PTPN11: variants seen among roughly 807,000 people sequenced by gnomAD.
The protein encoded by PTPN11 is tyrosine-protein phosphatase non-receptor type 11.
In PTPN11, 6 loss-of-function variants were observed where a neutral mutation model predicts 78.8. That is an observed-to-expected ratio of 0.08 (90% CI 0.04 to 0.15). PTPN11 has a LOEUF of 0.15. PTPN11 is among the 10% of genes least tolerant of loss of function. PTPN11 has a pLI of 1.00. For missense variants in PTPN11, 386 were observed against 744.8 expected (o/e 0.52, Z 5.61); for synonymous variants, 221 against 263.5 (o/e 0.84, Z 1.56).
intron 13 of PTPN11, among the ~76,000 whole-genome samples, chr12:112,500,191 C>G (rs1013779072): frequency 6.6e-6 from 1 of 151,642 alleles, no homozygotes; most frequent in Non-Finnish European, 1.5e-5. Flanking sequence ...TACAGTGAGC[C>G]GAGATCACAC....
At chr12:112,442,931 A>G (rs2037931817) in intron 1 of PTPN11, among the ~76,000 whole-genome samples, 1 of 138,176 alleles carries the variant, frequency 7.2e-6, no homozygotes, top group African/African-American at 2.7e-5. Context: ...TTTTATATAT[A>G]AAATACATAT....
In PTPN11 at chr12:112,429,481, CTTTTTTTTTT is replaced by C. The variant is rs1177861343; in HGVS notation, c.14+10372_14+10381del. On this transcript the variant is annotated intron_variant, in intron 1 of 15. Transcript: ENST00000351677. ...GTTTCACCTTTGGCAGTTGAAACTA[CTTTTTTTTTT>C]TTTTTTTTTTTTTTTAAGAGACAGG... Among the ~76,000 whole-genome samples the C allele has an allele frequency of 2.9e-3, 320 of 110,830 alleles. 2 individuals carry two copies. The highest frequency in any genetic ancestry group is 9.4e-3 in the African/African-American group (276 of 29,404). The allele number at this position is 110,830 out of a possible 152,430, so 72.7% of individuals were successfully genotyped here.
rs397507515 is a variant in PTPN11 at position 112,450,424 on chromosome 12, A to G, written c.244A>G (p.Met82Val). 31 of 1,613,710 alleles carry G rather than the reference A, an allele frequency of 1.9e-5. No homozygotes were observed. Among genetic ancestry groups the G allele is most frequent in the South Asian group, 4.4e-5 (4 of 91,074 alleles). ...ATLAELVQYY[M>V]EHHGQLKEKN... Reference sequence around the variant, plus strand: ...TTTGGCTGAGTTGGTCCAGTATTACATGGAACATCACGGGCAATTAAAAGA... The same window carrying G: ...TTTGGCTGAGTTGGTCCAGTATTACGTGGAACATCACGGGCAATTAAAAGA... The change falls in exon 3 of 16, where the codon ATG (methionine) becomes GTG (valine). Residue 82 changes from methionine to valine, a missense_variant. Met to Val is a conservative substitution (Grantham distance 21). Coordinates refer to ENST00000351677, the MANE Select transcript of PTPN11 (RefSeq NM_002834.5).
intron 1 of PTPN11, among the ~76,000 whole-genome samples, chr12:112,435,332 C>A (rs1320779554): frequency 1.3e-5 from 2 of 152,164 alleles, no homozygotes. Context: ...GTACAAAGAT[C>A]TGCATAAAAG....
In PTPN11 at chr12:112,500,960, A is replaced by C. The variant is rs533255204; in HGVS notation, c.1600-1184A>C. Among the ~76,000 whole-genome samples the C allele has an allele frequency of 3.3e-5, 5 of 151,032 alleles. No homozygotes were observed. In the South Asian group the frequency reaches 8.4e-4, roughly 25 times the overall value. Reference sequence around the variant, plus strand: ...GGTCTTGTTGCCCAGGCCAGAGTGCAGTGGTGCGATCATAGCTTACTGCAG... The same window carrying C: ...GGTCTTGTTGCCCAGGCCAGAGTGCCGTGGTGCGATCATAGCTTACTGCAG... On this transcript the variant is annotated intron_variant, in intron 13 of 15. Transcript: ENST00000351677.
At chr12:112,436,503 A>G (rs2037793243) in intron 1 of PTPN11, among the ~76,000 whole-genome samples, 1 of 152,186 alleles carries the variant, frequency 6.6e-6, no homozygotes, top group Non-Finnish European at 1.5e-5. Context: ...AGGTTGCTTC[A>G]ATAACCAAGA....
chr12:112,477,741 C>CT lies in PTPN11; in HGVS notation c.933+15dup. 1.9e-6 allele frequency: 3 copies of CT among 1,609,864 alleles called. No individual in the cohort carries two copies. The highest frequency in any genetic ancestry group is 2.6e-6 in the Non-Finnish European group (3 of 1,176,160). ...GCAAATATCATCATGGTAAGCTTTGCTTTTCACAGTGTTTTCTGACCATAC... is the reference window on the plus strand; with the variant it reads ...GCAAATATCATCATGGTAAGCTTTGCTTTTTCACAGTGTTTTCTGACCATAC... On this transcript the variant is annotated intron_variant, in intron 8 of 15. Coordinates refer to ENST00000351677, the MANE Select transcript of PTPN11 (RefSeq NM_002834.5).
At chr12:112,500,216 C>T (rs1227969282) in intron 13 of PTPN11, among the ~76,000 whole-genome samples, 1 of 152,140 alleles carries the variant, frequency 6.6e-6, no homozygotes, top group Non-Finnish European at 1.5e-5. Context: ...GCACTCCAGC[C>T]TGGGTGACAG....
chr12:112,492,766 C>T (rs2038765229), intron 13 of PTPN11, among the ~76,000 whole-genome samples: 2 of 152,176 alleles, frequency 1.3e-5, no homozygotes. Flanking sequence ...ATCTGCCCGC[C>T]TTGGCCTCCC....
At chr12:112,476,177 T>C (rs1173796453) in intron 7 of PTPN11, among the ~76,000 whole-genome samples, 1 of 152,164 alleles carries the variant, frequency 6.6e-6, no homozygotes, top group Non-Finnish European at 1.5e-5. Context: ...ATAAAATGTA[T>C]GGGAAAGTGA....
chr12:112,506,696 T>C lies in PTPN11; in HGVS notation c.*904T>C, dbSNP rs2038939374. The stretch of plus-strand genomic sequence containing the variant: ...GCTGGGCTCAGCTGGGCTGTTCTTC[T>C]GCCAGCCTGCAGGTGGCCACTCATG... On this transcript the variant is annotated 3_prime_UTR_variant, in exon 16 of 16. Transcript: ENST00000351677. The C allele has an allele frequency of 6.6e-6, 1 of 152,340 alleles. No individual in the cohort carries two copies. The highest frequency in any genetic ancestry group is 2.4e-5 in the African/African-American group (1 of 41,460). The allele number at this position is 152,340 out of a possible 1,614,324, so 9.4% of individuals were successfully genotyped here.
intron 1 of PTPN11, among the ~76,000 whole-genome samples, chr12:112,427,047 C>T (rs2037627763): frequency 6.6e-6 from 1 of 151,388 alleles, no homozygotes; most frequent in African/African-American, 2.4e-5. Flanking sequence ...GAGTTTGAGA[C>T]CAGCCTGGGT....
intron 1 of PTPN11, among the ~76,000 whole-genome samples, chr12:112,420,631 C>T (rs1276183191): frequency 3.9e-5 from 6 of 152,148 alleles, no homozygotes; most frequent in Non-Finnish European, 8.8e-5. Context: ...CGTGAGCCAC[C>T]GTACCCAGCC....
At chr12:112,419,262 C>T (rs961580884) in intron 1 of PTPN11, 137 bp downstream of exon 1, 12 of 869,462 alleles carry the variant, frequency 1.4e-5, no homozygotes, top group East Asian at 3.5e-5. Context: ...GTTCCCTCCT[C>T]GTCCCCTCGC....
At chr12:112,483,804 C>T (rs1469034090) in intron 10 of PTPN11, among the ~76,000 whole-genome samples, 1 of 152,076 alleles carries the variant, frequency 6.6e-6, no homozygotes, top group African/African-American at 2.4e-5. Flanking sequence ...AGGAGTGTAC[C>T]AAGGGCGAGG....
At chr12:112,423,471 G>C (rs2037556327) in intron 1 of PTPN11, among the ~76,000 whole-genome samples, 1 of 151,814 alleles carries the variant, frequency 6.6e-6, no homozygotes. Context: ...TTTTTAGTAG[G>C]GATGGGGTTT....
At chr12:112,502,483 C>T (rs563674026) in intron 14 of PTPN11, among the ~76,000 whole-genome samples, 166 of 152,248 alleles carry the variant, frequency 1.1e-3, no homozygotes, top group Non-Finnish European at 2.0e-3. Flanking sequence ...CGGTGGCTAA[C>T]GCCTGTAATC....
chr12:112,480,584 C>G (rs2038581283), intron 9 of PTPN11, among the ~76,000 whole-genome samples: 1 of 152,106 alleles, frequency 6.6e-6, no homozygotes, highest in Admixed American at 6.6e-5. Flanking sequence ...AGGCTGGTCT[C>G]AAACTCCTGG....
chr12:112,434,273 C>T (rs1208384531), intron 1 of PTPN11, among the ~76,000 whole-genome samples: 3 of 151,818 alleles, frequency 2.0e-5, no homozygotes, highest in Non-Finnish European at 4.4e-5. Context: ...GAGTGAGACC[C>T]TGTCTCTAAA....
Sources: allele counts gnomAD v4.1 joint callset (sites outside exome capture counted in the v4.1 genomes callset), GRCh38; gene constraint gnomAD v4.1.1; transcripts MANE v1.5; gene names NCBI Gene and HGNC (gene_info 2026-07-23, HGNC 2026-07-21).